The following ZC3H12B variants were observed in gnomAD, a reference collection of about 807,000 sequenced individuals.
The protein encoded by ZC3H12B is zinc finger CCCH-type containing 12B.
In ZC3H12B, 7 loss-of-function variants were observed where a neutral mutation model predicts 43.9. The observed-to-expected ratio is 0.16, with a 90% confidence interval of 0.09 to 0.30. The LOEUF is 0.30. Ranked by LOEUF, ZC3H12B falls within the 10% of genes least tolerant of loss-of-function variation. The pLI is 1.00. For synonymous variants in ZC3H12B, 222 were observed against 241.7 expected, an observed-to-expected ratio of 0.92 and a Z score of 0.76; for missense variants, 475 against 670.2, an observed-to-expected ratio of 0.71 and a Z score of 3.22.
the ZC3H12B span, among the ~76,000 whole-genome samples, chrX:65,217,090 A>T: frequency 1.8e-5 from 2 of 111,643 alleles, no homozygotes; most frequent in African/African-American, 6.5e-5. Flanking sequence ...AACTCCAGGC[A>T]GCTCAGCACT....
chrX:65,436,071 A>T (rs769613352), intron 3 of ZC3H12B, among the ~76,000 whole-genome samples: 66 of 112,387 alleles, frequency 5.9e-4, no homozygotes, highest in African/African-American at 1.6e-3. Context: ...GGCCTCAGGA[A>T]ACTTACAATC....
upstream of ZC3H12B, among the ~76,000 whole-genome samples, chrX:65,362,459 T>C (rs926910073): frequency 9.0e-6 from 1 of 110,939 alleles, no homozygotes; most frequent in Non-Finnish European, 1.9e-5. Flanking sequence ...AGTTCCCTTA[T>C]TAGGTCGAGA....
chrX:65,506,560 G>A (rs2068427306), exon 5 of ZC3H12B: 1 of 112,157 alleles, frequency 8.9e-6, no homozygotes, highest in South Asian at 3.8e-4. Flanking sequence ...TTACTACAAA[G>A]CGTTTTGTGT....
the ZC3H12B span, among the ~76,000 whole-genome samples, chrX:65,274,215 G>C: frequency 1.8e-5 from 2 of 111,802 alleles, no homozygotes; most frequent in African/African-American, 3.3e-5. Context: ...GAATTCCACA[G>C]TCCTTGCATG....
chrX:65,350,899 G>A, the ZC3H12B span, among the ~76,000 whole-genome samples: 9 of 111,780 alleles, frequency 8.1e-5, no homozygotes, highest in Non-Finnish European at 1.9e-5. Flanking sequence ...ACTGCCTAAA[G>A]TAATTTATAG....
chrX:65,367,482 T>G (rs757714235), intron 1 of ZC3H12B, among the ~76,000 whole-genome samples: 1 of 111,841 alleles, frequency 8.9e-6, no homozygotes, highest in African/African-American at 3.2e-5. Flanking sequence ...CATACCATTT[T>G]TTTGAAATTT....
chrX:65,125,641 A>G, the ZC3H12B span, among the ~76,000 whole-genome samples: 2 of 111,052 alleles, frequency 1.8e-5, no homozygotes. Context: ...TAATTGTTTT[A>G]TGAATTTGGG....
the ZC3H12B span, among the ~76,000 whole-genome samples, chrX:65,054,906 A>G: frequency 9.0e-6 from 1 of 111,495 alleles, no homozygotes; most frequent in Non-Finnish European, 1.9e-5. Flanking sequence ...ATTGATGTAT[A>G]AGAATGTTTG....
At chrX:65,389,594 G>A (rs925209701) in intron 2 of ZC3H12B, among the ~76,000 whole-genome samples, 4 of 112,680 alleles carry the variant, frequency 3.5e-5, no homozygotes, top group Non-Finnish European at 7.5e-5. Flanking sequence ...CAGGTGAGGC[G>A]ATGCCTCGCC....
At chrX:65,359,752 A>G in the ZC3H12B span, among the ~76,000 whole-genome samples, 1 of 112,500 alleles carries the variant, frequency 8.9e-6, no homozygotes, top group Non-Finnish European at 1.9e-5. Flanking sequence ...TGAAATTACA[A>G]CAAACGATTT....
the ZC3H12B span, among the ~76,000 whole-genome samples, chrX:65,051,079 C>T: frequency 9.0e-6 from 1 of 111,088 alleles, no homozygotes; most frequent in African/African-American, 3.3e-5. Context: ...CATGATTCAG[C>T]GTTGGTAGGT....
intron 2 of ZC3H12B, among the ~76,000 whole-genome samples, chrX:65,373,909 T>TATATATA (rs1412172865): frequency 6.1e-3 from 6 of 981 alleles, no homozygotes; most frequent in African/African-American, 0.01. Flanking sequence ...ATATATATAG[T>TATATATA]TATATATATA....
At chrX:65,171,899 T>A in the ZC3H12B span, among the ~76,000 whole-genome samples, 1 of 110,890 alleles carries the variant, frequency 9.0e-6, no homozygotes, top group African/African-American at 3.3e-5. Context: ...AAATGCACAG[T>A]ATTAGGGTGG....
chrX:65,160,159 A>G, the ZC3H12B span, among the ~76,000 whole-genome samples: 39 of 111,338 alleles, frequency 3.5e-4, no homozygotes, highest in African/African-American at 1.1e-3. Flanking sequence ...GCTGGATTCG[A>G]TTTGCCAGTA....
At chrX:65,366,077 A>T (rs1238422655), upstream of ZC3H12B, among the ~76,000 whole-genome samples, 1 of 110,618 alleles carries the variant, frequency 9.0e-6, no homozygotes, top group African/African-American at 3.3e-5. Flanking sequence ...AATAGTCTCA[A>T]TTTGGCTTTT....
the ZC3H12B span, among the ~76,000 whole-genome samples, chrX:65,143,552 G>A: frequency 1.7e-4 from 18 of 107,602 alleles, no homozygotes; most frequent in Non-Finnish European, 3.3e-4. Flanking sequence ...ACTTGATCAT[G>A]GTGAATTATC....
chrX:65,169,203 A>G, the ZC3H12B span, among the ~76,000 whole-genome samples: 11 of 111,659 alleles, frequency 9.9e-5, no homozygotes, highest in Non-Finnish European at 1.5e-4. Context: ...ACATTGCTTT[A>G]AATGTGTCCC....
the ZC3H12B span, among the ~76,000 whole-genome samples, chrX:65,071,169 A>G: frequency 5.5e-5 from 6 of 108,853 alleles, no homozygotes; most frequent in Non-Finnish European, 9.5e-5. Context: ...GGATAGTTAG[A>G]TCTTCTTGTT....
chrX:65,389,582 C>T (rs1337766948), intron 2 of ZC3H12B, among the ~76,000 whole-genome samples: 1 of 112,850 alleles, frequency 8.9e-6, no homozygotes, highest in African/African-American at 3.2e-5. Context: ...CGTTGTGCTT[C>T]CCAGGTGAGG....
Sources: allele counts gnomAD v4.1 joint callset (sites outside exome capture counted in the v4.1 genomes callset), GRCh38; gene constraint gnomAD v4.1.1; transcripts MANE v1.5; gene names NCBI Gene and HGNC (gene_info 2026-07-23, HGNC 2026-07-21).